The following WWOX variants were observed in gnomAD, a reference collection of about 807,000 sequenced individuals.
The protein encoded by WWOX is WW domain-containing oxidoreductase.
A neutral mutation model predicts 46.2 loss-of-function variants in WWOX; 69 were observed. That is an observed-to-expected ratio of 1.49 (90% CI 1.23 to 1.82). The LOEUF (loss-of-function observed/expected upper bound fraction) is 1.82. WWOX is among the 40% of genes most tolerant of loss of function. The pLI, the probability that WWOX is intolerant of heterozygous loss-of-function variation, is 0.00. For missense variants in WWOX, 919 were observed against 542.6 expected (o/e 1.69, Z -6.89); for synonymous variants, 359 against 202.6 (o/e 1.77, Z -6.56).
intron 4 of WWOX, among the ~76,000 whole-genome samples, chr16:78,143,979 T>G (rs1215725703): frequency 6.6e-6 from 1 of 152,146 alleles, no homozygotes; most frequent in Non-Finnish European, 1.5e-5. Context: ...TTACATGTTG[T>G]AAAACCCATA....
intron 8 of WWOX, among the ~76,000 whole-genome samples, chr16:78,579,163 G>T (rs1264333766): frequency 3.9e-5 from 6 of 152,230 alleles, no homozygotes; most frequent in Admixed American, 3.3e-4. Flanking sequence ...TAATGATTCA[G>T]CAATAATTAG....
intron 5 of WWOX, among the ~76,000 whole-genome samples, chr16:78,352,869 T>C (rs1057414953): frequency 2.6e-5 from 4 of 152,180 alleles, no homozygotes; most frequent in Admixed American, 2.6e-4. Context: ...TGATTGAATA[T>C]TGGCTGTACA....
Position 78,229,517 on chromosome 16 carries a change from T to G in WWOX, c.516+65228T>G, listed in dbSNP as rs191634777. Among the ~76,000 whole-genome samples the G allele has an allele frequency of 3.4e-3, 434 of 127,370 alleles. 8 individuals are homozygous for G. The East Asian group carries it at 0.093, about 27-fold the overall frequency. 83.6% of individuals were successfully genotyped at this position (127,370 alleles called of 152,430 possible). A position where few individuals can be genotyped will look rare whatever the true frequency, so the allele number is the denominator to read the frequency against. ...ATATTTATCTATATCTATATAGAGA[T>G]ATATATATATATATAAAATAATGAA... On this transcript the variant is annotated intron_variant, in intron 5 of 8. Transcript: ENST00000566780.
chr16:78,817,743 C>T (rs1338751243), intron 8 of WWOX, among the ~76,000 whole-genome samples: 2 of 152,136 alleles, frequency 1.3e-5, no homozygotes, highest in Non-Finnish European at 2.9e-5. Flanking sequence ...CTTCGGGTCC[C>T]AGCCCTTTCT....
At chr16:79,184,895 G>T (rs941823373) in intron 8 of WWOX, among the ~76,000 whole-genome samples, 5 of 152,206 alleles carry the variant, frequency 3.3e-5, no homozygotes. Context: ...AATCAAGAAC[G>T]TGTTACTTTT....
intron 7 of WWOX, among the ~76,000 whole-genome samples, chr16:78,429,781 A>G (rs1381660729): frequency 6.6e-6 from 1 of 152,174 alleles, no homozygotes; most frequent in Non-Finnish European, 1.5e-5. Context: ...TTTCAATTCG[A>G]TATGATAGCT....
intron 8 of WWOX, among the ~76,000 whole-genome samples, chr16:78,714,763 A>T (rs1364129863): frequency 1.3e-5 from 2 of 152,190 alleles, no homozygotes; most frequent in African/African-American, 4.8e-5. Flanking sequence ...GAAGGCTGAG[A>T]GGTGTGCATG....
intron 8 of WWOX, among the ~76,000 whole-genome samples, chr16:78,485,291 A>G (rs1469832684): frequency 6.6e-6 from 1 of 152,134 alleles, no homozygotes; most frequent in Admixed American, 6.5e-5. Flanking sequence ...CTACATGTTC[A>G]TTGAAAATGA....
intron 8 of WWOX, among the ~76,000 whole-genome samples, chr16:78,735,279 C>A (rs1216963993): frequency 6.6e-6 from 1 of 151,994 alleles, no homozygotes; most frequent in African/African-American, 2.4e-5. Context: ...GGCTCTCCAC[C>A]TTGCCTATAG....
At chr16:78,892,314 C>T (rs1246098650) in intron 8 of WWOX, 1 of 152,198 alleles carries the variant, frequency 6.6e-6, no homozygotes, top group African/African-American at 2.4e-5. Context: ...GAACCACATG[C>T]TAAAATCAAA....
chr16:78,650,804 A>G (rs1383851176), intron 8 of WWOX, among the ~76,000 whole-genome samples: 2 of 152,182 alleles, frequency 1.3e-5, no homozygotes, highest in South Asian at 2.1e-4. Flanking sequence ...CTGGCCTGCA[A>G]AGGTTCCACT....
intron 8 of WWOX, among the ~76,000 whole-genome samples, chr16:79,093,163 A>T (rs566480812): frequency 2.6e-5 from 4 of 152,220 alleles, no homozygotes; most frequent in Non-Finnish European, 5.9e-5. Context: ...AAAGGAAAAA[A>T]AATGGGCAAA....
At chr16:78,360,861 C>T (rs1229248567) in intron 5 of WWOX, among the ~76,000 whole-genome samples, 1 of 151,778 alleles carries the variant, frequency 6.6e-6, no homozygotes. Context: ...CACTCTGTCA[C>T]CCAGGCTGGA....
intron 8 of WWOX, among the ~76,000 whole-genome samples, chr16:78,465,468 C>T (rs539930894): frequency 5.1e-4 from 78 of 152,244 alleles, no homozygotes; most frequent in East Asian, 1.7e-3. Context: ...GTGTGAGCCA[C>T]CACACCCAGC....
At chr16:78,155,877 A>G (rs1197893006) in intron 4 of WWOX, among the ~76,000 whole-genome samples, 1 of 152,224 alleles carries the variant, frequency 6.6e-6, no homozygotes, top group African/African-American at 2.4e-5. Flanking sequence ...CTTTAACAGT[A>G]GGTAGCATTA....
intron 8 of WWOX, among the ~76,000 whole-genome samples, chr16:78,660,989 C>T (rs950853750): frequency 7.2e-5 from 11 of 152,084 alleles, no homozygotes; most frequent in Non-Finnish European, 1.5e-4. Context: ...TATTTATAGA[C>T]ATTGAAGTTA....
chr16:79,123,623 G>C (rs957633176), intron 8 of WWOX, among the ~76,000 whole-genome samples: 1 of 152,116 alleles, frequency 6.6e-6, no homozygotes, highest in African/African-American at 2.4e-5. Context: ...AGTCAAAATA[G>C]TTTGACCCCA....
chr16:78,522,376 C>G (rs1249017962), intron 8 of WWOX, among the ~76,000 whole-genome samples: 1 of 152,162 alleles, frequency 6.6e-6, no homozygotes, highest in African/African-American at 2.4e-5. Flanking sequence ...GAGGCCAAGC[C>G]TTTTCCCACA....
At chr16:78,614,784 G>T (rs2045981309) in intron 8 of WWOX, among the ~76,000 whole-genome samples, 1 of 152,076 alleles carries the variant, frequency 6.6e-6, no homozygotes, top group Admixed American at 6.6e-5. Context: ...TTTTTGTTTT[G>T]GTTTTTAAAT....
Sources: gnomAD v4.1 joint callset for allele counts (sites outside exome capture counted in the v4.1 genomes callset) on GRCh38, gnomAD v4.1.1 for gene constraint, MANE v1.5 for transcripts, NCBI Gene and HGNC (gene_info 2026-07-23, HGNC 2026-07-21) for gene names.